The following FHOD3 variants were observed in gnomAD, a reference collection of about 807,000 sequenced individuals.
FHOD3 encodes formin homology 2 domain containing 3, also known as FH1/FH2 domain-containing protein 3.
A neutral mutation model predicts 173.0 loss-of-function variants in FHOD3; 90 were observed. That is an observed-to-expected ratio of 0.52 (90% CI 0.44 to 0.62). The LOEUF (loss-of-function observed/expected upper bound fraction) is 0.62, where lower values mean the gene tolerates loss of function less well. Ranked by LOEUF, FHOD3 falls within the 20% of genes least tolerant of loss-of-function variation. The pLI, the probability that FHOD3 is intolerant of heterozygous loss-of-function variation, is 0.00. For synonymous variants in FHOD3, 828 were observed against 823.0 expected (o/e 1.01, Z -0.10); for missense variants, 1,945 against 2,034.7 (o/e 0.96, Z 0.85).
intron 3 of FHOD3, among the ~76,000 whole-genome samples, chr18:36,412,569 A>G (rs2049411275): frequency 6.6e-6 from 1 of 152,230 alleles, no homozygotes; most frequent in Non-Finnish European, 1.5e-5. Flanking sequence ...ATGTAAAAGT[A>G]AAAATGATTC....
chr18:36,462,668 G>A (rs2052629419), intron 3 of FHOD3, among the ~76,000 whole-genome samples: 1 of 152,178 alleles, frequency 6.6e-6, no homozygotes, highest in South Asian at 2.1e-4. Context: ...GTGCAGTGGT[G>A]CAATCATAGC....
At chr18:36,634,625 C>T (rs1326909785) in intron 10 of FHOD3, among the ~76,000 whole-genome samples, 1 of 152,074 alleles carries the variant, frequency 6.6e-6, no homozygotes, top group Non-Finnish European at 1.5e-5. Context: ...AGCCCTGGCT[C>T]CTGGAGGAAG....
chr18:36,437,923 A>C (rs1288068446), intron 3 of FHOD3, among the ~76,000 whole-genome samples: 1 of 151,872 alleles, frequency 6.6e-6, no homozygotes, highest in African/African-American at 2.4e-5. Flanking sequence ...CAGCCTCCCA[A>C]AGTGCTGGGA....
intron 27 of FHOD3, among the ~76,000 whole-genome samples, chr18:36,765,365 ACT>A (rs761435617): frequency 5.3e-5 from 8 of 152,036 alleles, no homozygotes; most frequent in Non-Finnish European, 8.8e-5. Context: ...CAGAGAAAAG[ACT>A]CTCTGGAGGA....
At chr18:36,350,825 G>A (rs911611844) in intron 1 of FHOD3, among the ~76,000 whole-genome samples, 10 of 152,098 alleles carry the variant, frequency 6.6e-5, no homozygotes, top group Admixed American at 3.9e-4. Context: ...TTAGTTCTTC[G>A]GAAAGTTTAT....
At chr18:36,645,216 T>C (rs573768443) in intron 10 of FHOD3, among the ~76,000 whole-genome samples, 16 of 151,260 alleles carry the variant, frequency 1.1e-4, no homozygotes, top group Admixed American at 2.6e-4. Flanking sequence ...AGGTTAGGAG[T>C]TCAAGACCAG....
At chr18:36,487,468 C>T (rs2054250858) in intron 3 of FHOD3, among the ~76,000 whole-genome samples, 1 of 152,346 alleles carries the variant, frequency 6.6e-6, no homozygotes, top group Middle Eastern at 3.4e-3. Context: ...CCTCCCACTG[C>T]ATCCTGCCCA....
intron 20 of FHOD3, among the ~76,000 whole-genome samples, chr18:36,732,252 A>G (rs1008591432): frequency 6.6e-6 from 1 of 152,172 alleles, no homozygotes; most frequent in African/African-American, 2.4e-5. Flanking sequence ...TCCTGCTGAC[A>G]CCTTGATTTT....
intron 5 of FHOD3, among the ~76,000 whole-genome samples, chr18:36,513,545 A>G (rs979139817): frequency 1.3e-5 from 2 of 152,182 alleles, no homozygotes; most frequent in African/African-American, 2.4e-5. Context: ...TGGGTGAAGG[A>G]AGAATGAAAA....
At chr18:36,576,824 C>T (rs1391365008) in intron 6 of FHOD3, among the ~76,000 whole-genome samples, 5 of 152,098 alleles carry the variant, frequency 3.3e-5, no homozygotes, top group Admixed American at 6.5e-5. Context: ...ACCATAGGGC[C>T]GGGCGTGGTG....
intron 18 of FHOD3, among the ~76,000 whole-genome samples, chr18:36,712,419 A>G (rs1415287018): frequency 5.3e-5 from 8 of 152,028 alleles, no homozygotes; most frequent in Admixed American, 5.2e-4. Context: ...AATAAAAGAT[A>G]TTAAAAAGAA....
chr18:36,741,894 G>A (rs1468939474), intron 21 of FHOD3, among the ~76,000 whole-genome samples: 1 of 152,050 alleles, frequency 6.6e-6, no homozygotes, highest in Non-Finnish European at 1.5e-5. Context: ...GGGAACTACA[G>A]TATTTGAATT....
intron 8 of FHOD3, among the ~76,000 whole-genome samples, chr18:36,610,645 G>A (rs986477317): frequency 3.3e-5 from 5 of 152,166 alleles, no homozygotes; most frequent in African/African-American, 7.2e-5. Flanking sequence ...AAAGGAAAAC[G>A]CCATTATTCG....
intron 14 of FHOD3, among the ~76,000 whole-genome samples, chr18:36,666,714 G>C (rs1007709602): frequency 2.0e-5 from 3 of 152,168 alleles, no homozygotes; most frequent in African/African-American, 7.2e-5. Flanking sequence ...TCGAAGGTTT[G>C]CATCTTTCGC....
intron 10 of FHOD3, among the ~76,000 whole-genome samples, chr18:36,642,582 CAAAAAAAAAAA>C (rs35920197): frequency 3.2e-5 from 2 of 61,818 alleles, no homozygotes; most frequent in Non-Finnish European, 7.4e-5. Context: ...GACTCCGTCT[CAAAAAAAAAAA>C]AAAAAAAAAA....
At chr18:36,698,674 G>C (rs371368449) in intron 17 of FHOD3, among the ~76,000 whole-genome samples, 6 of 152,156 alleles carry the variant, frequency 3.9e-5, no homozygotes, top group African/African-American at 1.4e-4. Context: ...AGCTATGAAG[G>C]AACTGAAACA....
intron 5 of FHOD3, among the ~76,000 whole-genome samples, chr18:36,532,399 G>A (rs976533663): frequency 2.0e-5 from 3 of 152,180 alleles, no homozygotes; most frequent in Non-Finnish European, 2.9e-5. Flanking sequence ...GAAGAAAAGG[G>A]ACATCCATAG....
At chr18:36,778,474 G>T (rs537055461) in intron 28 of FHOD3, 1 of 152,340 alleles carries the variant, frequency 6.6e-6, no homozygotes, top group South Asian at 2.1e-4. Flanking sequence ...TAAGGAAAAT[G>T]TAATTAGCCA....
At chr18:36,609,464 C>T (rs560859322) in intron 8 of FHOD3, among the ~76,000 whole-genome samples, 2 of 152,124 alleles carry the variant, frequency 1.3e-5, no homozygotes, top group Non-Finnish European at 2.9e-5. Context: ...TCATTTCCCC[C>T]GCAGCCTGCA....
Sources: gnomAD v4.1 joint callset for allele counts (sites outside exome capture counted in the v4.1 genomes callset) on GRCh38, gnomAD v4.1.1 for gene constraint, MANE v1.5 for transcripts, NCBI Gene and HGNC (gene_info 2026-07-23, HGNC 2026-07-21) for gene names.